SLC1A2: variants seen among roughly 807,000 people sequenced by gnomAD.
SLC1A2 encodes solute carrier family 1 member 2, also known as excitatory amino acid transporter 2.
In SLC1A2, 15 loss-of-function variants were observed where a neutral mutation model predicts 48.8. That is an observed-to-expected ratio of 0.31 (90% CI 0.21 to 0.47). SLC1A2 has a LOEUF of 0.47. SLC1A2 is among the 20% of genes least tolerant of loss of function. The pLI, the probability that SLC1A2 is intolerant of heterozygous loss-of-function variation, is 0.99. For synonymous variants in SLC1A2, 279 were observed against 272.6 expected (o/e 1.02, Z -0.23); for missense variants, 502 against 730.5 (o/e 0.69, Z 3.61).
chr11:35,264,492 A>C (rs1357105469), intron 10 of SLC1A2, among the ~76,000 whole-genome samples: 1 of 152,124 alleles, frequency 6.6e-6, no homozygotes, highest in East Asian at 1.9e-4. Context: ...GGTTTCTCCA[A>C]GTTTGCTTTA....
At chr11:35,316,327 T>C (rs1275225364) in intron 2 of SLC1A2, 2 of 152,126 alleles carry the variant, frequency 1.3e-5, no homozygotes, top group Admixed American at 6.5e-5. Context: ...CAGGCTACAG[T>C]GTTAATTCCA....
At chr11:35,297,709 G>A (rs1851216320) in intron 6 of SLC1A2, 1 of 152,090 alleles carries the variant, frequency 6.6e-6, no homozygotes, top group Non-Finnish European at 1.5e-5. Context: ...CAAAAATTAA[G>A]GGGTTTTCAG....
chr11:35,352,597 C>T (rs1185601463), intron 1 of SLC1A2, among the ~76,000 whole-genome samples: 1 of 152,218 alleles, frequency 6.6e-6, no homozygotes, highest in Non-Finnish European at 1.5e-5. Flanking sequence ...CCCCAGTTCC[C>T]TTCTGCAAAG....
chr11:35,302,637 C>T (rs1295201338), intron 5 of SLC1A2, among the ~76,000 whole-genome samples: 8 of 151,992 alleles, frequency 5.3e-5, no homozygotes, highest in Non-Finnish European at 1.2e-4. Context: ...TGCCTGAGAT[C>T]CTGGGAATCT....
chr11:35,381,914 G>A (rs1010442092), intron 1 of SLC1A2, among the ~76,000 whole-genome samples: 1 of 152,166 alleles, frequency 6.6e-6, no homozygotes, highest in Non-Finnish European at 1.5e-5. Context: ...CTTCCACTGA[G>A]TGAAGTGACA....
chr11:35,399,252 C>G (rs1855066165), intron 1 of SLC1A2, among the ~76,000 whole-genome samples: 1 of 152,116 alleles, frequency 6.6e-6, no homozygotes, highest in Non-Finnish European at 1.5e-5. Context: ...CTAAGGAAGT[C>G]AAGAGTTGGT....
At chr11:35,341,047 A>C (rs1483916998) in intron 1 of SLC1A2, among the ~76,000 whole-genome samples, 2 of 152,192 alleles carry the variant, frequency 1.3e-5, no homozygotes, top group East Asian at 3.9e-4. Context: ...GATTGAGTAC[A>C]TTTGGTTGAC....
intron 9 of SLC1A2, among the ~76,000 whole-genome samples, chr11:35,275,447 G>T (rs946721799): frequency 1.5e-5 from 2 of 132,796 alleles, no homozygotes; most frequent in South Asian, 3.0e-4. Flanking sequence ...TGTCAGCAAG[G>T]TCTCTTATAA....
chr11:35,280,824 C>A (rs767452250), intron 9 of SLC1A2, 43 bp downstream of exon 9: 2 of 1,428,234 alleles, frequency 1.4e-6, no homozygotes, highest in South Asian at 1.3e-5. Context: ...CCCTAGGAGG[C>A]AGTACTCACA....
At chr11:35,284,053 G>A (rs1025301583) in intron 8 of SLC1A2, among the ~76,000 whole-genome samples, 4 of 140,138 alleles carry the variant, frequency 2.9e-5, no homozygotes, top group African/African-American at 1.1e-4. Flanking sequence ...CTCCCTTATA[G>A]TATATAATTC....
At chr11:35,345,628 A>T (rs1207464659) in intron 1 of SLC1A2, among the ~76,000 whole-genome samples, 2 of 152,128 alleles carry the variant, frequency 1.3e-5, no homozygotes, top group Admixed American at 6.5e-5. Context: ...CACACCATGA[A>T]ATACCCACAC....
intron 1 of SLC1A2, among the ~76,000 whole-genome samples, chr11:35,338,402 A>G (rs958809427): frequency 4.6e-5 from 7 of 151,988 alleles, no homozygotes; most frequent in Non-Finnish European, 8.8e-5. Context: ...TCCCGTCCCT[A>G]TGGTTTGGAT....
chr11:35,408,190 G>A (rs1436005932), intron 1 of SLC1A2, among the ~76,000 whole-genome samples: 1 of 152,072 alleles, frequency 6.6e-6, no homozygotes, highest in Non-Finnish European at 1.5e-5. Flanking sequence ...AAATATCCTT[G>A]GAATCTGGTA....
chr11:35,276,925 A>G (rs1027121051), intron 9 of SLC1A2, among the ~76,000 whole-genome samples: 4 of 152,210 alleles, frequency 2.6e-5, no homozygotes, highest in Non-Finnish European at 5.9e-5. Context: ...ACAGAAATTT[A>G]TTTCCTCAGA....
intron 7 of SLC1A2, among the ~76,000 whole-genome samples, chr11:35,290,417 A>G (rs1422876660): frequency 6.6e-6 from 1 of 152,200 alleles, no homozygotes; most frequent in Non-Finnish European, 1.5e-5. Flanking sequence ...CTTTTATGAT[A>G]CGTTGACCAG....
chr11:35,389,165 A>G (rs1299572706), intron 1 of SLC1A2, among the ~76,000 whole-genome samples: 8 of 152,202 alleles, frequency 5.3e-5, no homozygotes, highest in Admixed American at 4.6e-4. Flanking sequence ...GGAAGAGTCA[A>G]TAAAAGAATC....
chr11:35,317,348 G>C, intron 2 of SLC1A2, 29 bp downstream of exon 2: 1 of 1,604,600 alleles, frequency 6.2e-7, no homozygotes. Context: ...AGAAGAGGGG[G>C]CTGGGGGTGG....
At chr11:35,267,522 C>G (rs556666002) in intron 9 of SLC1A2, among the ~76,000 whole-genome samples, 1 of 152,184 alleles carries the variant, frequency 6.6e-6, no homozygotes, top group East Asian at 1.9e-4. Context: ...GTGGCAACTT[C>G]TAGGTAGATC....
At chr11:35,294,165 G>A (rs1851098327) in intron 6 of SLC1A2, among the ~76,000 whole-genome samples, 1 of 152,102 alleles carries the variant, frequency 6.6e-6, no homozygotes. Flanking sequence ...CATCTCATGG[G>A]ATACCCAATT....
Sources: allele counts gnomAD v4.1 joint callset (sites outside exome capture counted in the v4.1 genomes callset), GRCh38; gene constraint gnomAD v4.1.1; transcripts MANE v1.5; gene names NCBI Gene and HGNC (gene_info 2026-07-23, HGNC 2026-07-21).